ZNF766: variants seen among roughly 807,000 people sequenced by gnomAD.
The protein encoded by ZNF766 is zinc finger protein 766.
A neutral mutation model predicts 13.2 loss-of-function variants in ZNF766; 13 were observed. That is an observed-to-expected ratio of 0.98 (90% CI 0.64 to 1.56). The LOEUF (loss-of-function observed/expected upper bound fraction) is 1.56, where lower values mean the gene tolerates loss of function less well. Ranked by LOEUF, ZNF766 falls within the 40% of genes most tolerant of loss-of-function variation. The pLI is 0.00. For missense variants in ZNF766, 521 were observed against 552.2 expected, an observed-to-expected ratio of 0.94 and a Z score of 0.57; for synonymous variants, 178 against 187.6, an observed-to-expected ratio of 0.95 and a Z score of 0.42.
chr19:52,290,954 G>C lies in ZNF766; in HGVS notation c.1163G>C (p.Cys388Ser). 6.2e-7 allele frequency: 1 copy of C among 1,614,150 alleles called. No individual in the cohort carries two copies. The highest frequency in any genetic ancestry group is 8.5e-7 in the Non-Finnish European group (1 of 1,180,036). The stretch of plus-strand genomic sequence containing the variant: ...GAGAAACCTTATAAATGTCATGAAT[G>C]TGGCAAAGTCTTCACTCAAGTTTCA... ...NGEKPYKCHE[C>S]GKVFTQVSHL... is the part of the protein sequence containing the mutation. Residue 388 changes from cysteine to serine, a missense_variant, in exon 4 of 4, where the codon TGT (cysteine) becomes TCT (serine). Coordinates refer to ENST00000439461, the MANE Select transcript of ZNF766 (RefSeq NM_001010851.3).
At chr19:52,270,058 C>A (rs1420417395) in intron 1 of ZNF766, among the ~76,000 whole-genome samples, 1 of 152,196 alleles carries the variant, frequency 6.6e-6, no homozygotes, top group African/African-American at 2.4e-5. Flanking sequence ...TGCCTGCCGC[C>A]GTAGTCCTCC....
rs777346155 is a variant in ZNF766 at position 52,277,457 on chromosome 19, TCAAAAAAAAA to T, written c.19-4645_19-4636del. Reference sequence around the variant, plus strand: ...CTGGGTGACAGAGTGAGACTCCGTCTCAAAAAAAAACAAAAAAAGTCATGTTATGTGAAGG... The same window carrying T: ...CTGGGTGACAGAGTGAGACTCCGTCTCAAAAAAAGTCATGTTATGTGAAGG... On this transcript the variant is annotated intron_variant, in intron 1 of 3. Coordinates refer to ENST00000439461, the MANE Select transcript of ZNF766 (RefSeq NM_001010851.3). The T allele has an allele frequency of 3.2e-6, 5 of 1,541,564 alleles. No homozygotes were observed. The Admixed American group carries it at 9.7e-5, about 30-fold the overall frequency.
intron 3 of ZNF766, among the ~76,000 whole-genome samples, chr19:52,289,674 A>G (rs900291745): frequency 6.6e-6 from 1 of 152,082 alleles, no homozygotes; most frequent in East Asian, 1.9e-4. Flanking sequence ...TCTGAATCAG[A>G]TGAGGCAGAT....
chr19:52,287,063 G>T (rs866005328), intron 3 of ZNF766, among the ~76,000 whole-genome samples: 3 of 151,978 alleles, frequency 2.0e-5, no homozygotes, highest in African/African-American at 4.8e-5. Flanking sequence ...TCGAACTCCT[G>T]ACCTCAGGTG....
In ZNF766 at chr19:52,294,908, A is replaced by G. The variant is rs539708863; in HGVS notation, c.*3710A>G. On this transcript the variant is annotated 3_prime_UTR_variant, in exon 4 of 4. Transcript: ENST00000439461. ...CCTAAGATACTTTTTATAGTAGACA[A>G]TGAAAATTAGTGTGTGGGTTTATAA... 3.8e-4 allele frequency: 58 copies of G among 151,872 alleles called. No homozygotes were observed. The South Asian group carries it at 0.011, about 29-fold the overall frequency. 9.4% of individuals were successfully genotyped at this position (151,872 alleles called of 1,614,324 possible). A position where few individuals can be genotyped will look rare whatever the true frequency, so the allele number is the denominator to read the frequency against.
rs757550586 is a variant in ZNF766, at chr19:52,290,064, A to T, written c.275-2A>T. ...AATTATACTCTTTACTTGCTTTCCT[A>T]GGGAGGAGCTGTGCAGTGAGAAGCA... is the stretch of plus-strand genomic sequence containing the variant. On this transcript the variant is annotated splice_acceptor_variant, in intron 3 of 3. Transcript: ENST00000439461. LOFTEE classifies it high-confidence loss of function. The T allele has an allele frequency of 6.3e-7, 1 of 1,593,408 alleles. No individual in the cohort carries two copies.
chr19:52,289,805 C>T (rs1415009528), intron 3 of ZNF766, among the ~76,000 whole-genome samples: 3 of 152,080 alleles, frequency 2.0e-5, no homozygotes, highest in Admixed American at 6.5e-5. Flanking sequence ...TCGAGACCAT[C>T]CTGGCTAACA....
intron 3 of ZNF766, among the ~76,000 whole-genome samples, chr19:52,286,145 T>TA (rs975698382): frequency 4.7e-4 from 62 of 132,944 alleles, no homozygotes; most frequent in South Asian, 1.2e-3. Flanking sequence ...AGAGCTCAAT[T>TA]AAAAAAAAAA....
In ZNF766 at chr19:52,290,833, A is replaced by G. The variant is rs557662708; in HGVS notation, c.1042A>G (p.Ile348Val). ...TTCAAGCCTCACCACCCATCTGTTAATCCACACTGGAGAGAAACCTTACAA... is the reference window on the plus strand; with the variant it reads ...TTCAAGCCTCACCACCCATCTGTTAGTCCACACTGGAGAGAAACCTTACAA... ...GHSSLTTHLLIHTGEKPYKCK... is the reference protein window; with the variant it reads ...GHSSLTTHLLVHTGEKPYKCK... Residue 348 changes from isoleucine to valine, a missense_variant, in exon 4 of 4, where the codon ATC (isoleucine) becomes GTC (valine). Coordinates refer to ENST00000439461, the MANE Select transcript of ZNF766 (RefSeq NM_001010851.3). 2 of 1,614,128 alleles carry G rather than the reference A, an allele frequency of 1.2e-6. No homozygotes were observed. Among genetic ancestry groups the G allele is most frequent in the South Asian group, 2.2e-5 (2 of 91,078 alleles).
intron 1 of ZNF766, among the ~76,000 whole-genome samples, 197 bp downstream of exon 1, chr19:52,269,828 G>C (rs77298770): frequency 0.058 from 8,868 of 152,210 alleles, 416 homozygotes; most frequent in East Asian, 0.23. Context: ...GTAGGGCTGC[G>C]TAGGCAGCTG....
intron 3 of ZNF766, among the ~76,000 whole-genome samples, chr19:52,287,433 G>A (rs1443783141): frequency 1.3e-5 from 2 of 152,226 alleles, no homozygotes; most frequent in African/African-American, 4.8e-5. Flanking sequence ...GAGCCACTAC[G>A]CCCAGCCTGC....
chr19:52,289,797 G>A (rs571472905), intron 3 of ZNF766, among the ~76,000 whole-genome samples: 22 of 152,144 alleles, frequency 1.4e-4, no homozygotes, highest in East Asian at 5.8e-4. Flanking sequence ...TCAGGAGATC[G>A]AGACCATCCT....
intron 1 of ZNF766, among the ~76,000 whole-genome samples, chr19:52,271,514 G>C (rs1980972375): frequency 1.3e-5 from 2 of 152,152 alleles, no homozygotes; most frequent in African/African-American, 4.8e-5. Flanking sequence ...CCTCCCCCTG[G>C]CTGTTGCTGA....
chr19:52,270,649 T>G (rs1318395900), intron 1 of ZNF766, among the ~76,000 whole-genome samples: 35 of 150,904 alleles, frequency 2.3e-4, no homozygotes, highest in Non-Finnish European at 4.6e-4. Context: ...CAAGGGGGCG[T>G]GACAGAGAAG....
At position 52,284,162 on chromosome 19, in the gene ZNF766, T is replaced by A. The variant is rs950363529; in HGVS notation, c.274+749T>A. On this transcript the variant is annotated intron_variant, in intron 3 of 3. Coordinates refer to ENST00000439461, the MANE Select transcript of ZNF766 (RefSeq NM_001010851.3). ...ACCCTGTCATGTGGCTTCTGTCAAC[T>A]CTTTAGTCCTTGATTCTGAGGGTCA... Among the ~76,000 whole-genome samples the A allele has an allele frequency of 4.6e-5, 7 of 152,350 alleles. No homozygotes were observed. In the East Asian group the frequency reaches 1.3e-3, roughly 29 times the overall value.
chr19:52,280,662 A>C (rs1981459706), intron 1 of ZNF766, among the ~76,000 whole-genome samples: 1 of 151,982 alleles, frequency 6.6e-6, no homozygotes, highest in Admixed American at 6.5e-5. Flanking sequence ...AGCTCACTGC[A>C]GCCTCCGCCT....
At chr19:52,289,378 C>T (rs1159116317) in intron 3 of ZNF766, among the ~76,000 whole-genome samples, 1 of 151,592 alleles carries the variant, frequency 6.6e-6, no homozygotes, top group Non-Finnish European at 1.5e-5. Context: ...TCTCGAACTC[C>T]TGACCTCAAG....
intron 3 of ZNF766, chr19:52,288,128 C>A (rs10416290): frequency 0.19 from 63,907 of 331,264 alleles, 6,435 homozygotes; most frequent in East Asian, 0.27. Flanking sequence ...TCAAGCAATT[C>A]TCCTGCCTCA....
Position 52,291,998 on chromosome 19 carries a change from G to GGAGTTTGA in ZNF766, c.*810_*817dup. 3 of 592,908 alleles carry GGAGTTTGA rather than the reference G, an allele frequency of 5.1e-6. No individual in the cohort carries two copies. Among genetic ancestry groups the GGAGTTTGA allele is most frequent in the Non-Finnish European group, 6.0e-6 (2 of 333,972 alleles). 36.7% of individuals were successfully genotyped at this position (592,908 alleles called of 1,614,324 possible). On this transcript the variant is annotated 3_prime_UTR_variant, in exon 4 of 4. Transcript: ENST00000439461. ...GAGGCAAGAGGATTGCTCAAGCCCA[G>GGAGTTTGA]GAGTTTGAGAGTTTGAGCAGTGAGC...
Sources: gnomAD v4.1 joint callset for allele counts (sites outside exome capture counted in the v4.1 genomes callset) on GRCh38, gnomAD v4.1.1 for gene constraint, MANE v1.5 for transcripts, NCBI Gene and HGNC (gene_info 2026-07-23, HGNC 2026-07-21) for gene names.